STK32B: variants seen among roughly 807,000 people sequenced by gnomAD.
STK32B encodes serine/threonine-protein kinase 32B.
Under a neutral mutation model 52.6 loss-of-function variants are expected in STK32B, and 43 were observed. The observed-to-expected ratio is 0.82, with a 90% confidence interval of 0.64 to 1.05. STK32B has a LOEUF of 1.05. Among genes scored for constraint, STK32B ranks in the 50% least tolerant of loss-of-function variants. STK32B has a pLI of 0.00. For missense variants in STK32B, 621 were observed against 534.6 expected (o/e 1.16, Z -1.59); for synonymous variants, 238 against 204.3 (o/e 1.17, Z -1.41).
chr4:5,295,746 G>T (rs1729154092), intron 3 of STK32B, among the ~76,000 whole-genome samples: 1 of 151,916 alleles, frequency 6.6e-6, no homozygotes, highest in South Asian at 2.1e-4. Flanking sequence ...ATTTTTCGAA[G>T]GATTTTTCAT....
At chr4:5,050,677 A>T (rs112377304), upstream of STK32B, among the ~76,000 whole-genome samples, 3 of 152,188 alleles carry the variant, frequency 2.0e-5, no homozygotes, top group Admixed American at 1.3e-4. Flanking sequence ...GCAGGACTGC[A>T]AGGCAGGGGG....
At chr4:5,420,584 C>A (rs367895091) in intron 6 of STK32B, among the ~76,000 whole-genome samples, 1 of 152,106 alleles carries the variant, frequency 6.6e-6, no homozygotes, top group Admixed American at 6.5e-5. Flanking sequence ...GGATGGAGAA[C>A]CTGCCAGCAC....
chr4:5,391,521 T>G (rs1020747129), intron 4 of STK32B, among the ~76,000 whole-genome samples: 1 of 152,274 alleles, frequency 6.6e-6, no homozygotes, highest in African/African-American at 2.4e-5. Context: ...AGATTGCAAC[T>G]GAGCTGTATC....
intron 6 of STK32B, among the ~76,000 whole-genome samples, chr4:5,444,463 C>T (rs1419985960): frequency 2.6e-5 from 4 of 152,184 alleles, no homozygotes; most frequent in South Asian, 2.1e-4. Context: ...CTTTGGCTCG[C>T]GCACTGTGCG....
intron 6 of STK32B, among the ~76,000 whole-genome samples, chr4:5,433,130 A>C (rs168987): frequency 0.69 from 104,737 of 151,930 alleles, 37,450 homozygotes; most frequent in East Asian, 0.97. Context: ...GAGGGAGCAA[A>C]AATGAGACCA....
intron 3 of STK32B, among the ~76,000 whole-genome samples, chr4:5,190,240 T>A (rs190744165): frequency 5.3e-5 from 8 of 152,312 alleles, no homozygotes; most frequent in African/African-American, 1.4e-4. Context: ...ACCTTGTATA[T>A]GTTGGTGGGT....
chr4:5,415,144 A>T (rs1209410640), intron 5 of STK32B, among the ~76,000 whole-genome samples: 1 of 152,202 alleles, frequency 6.6e-6, no homozygotes, highest in African/African-American at 2.4e-5. Context: ...GCTGGAGAAG[A>T]TGGGTTTTGA....
At chr4:5,216,274 G>A (rs1041299977) in intron 3 of STK32B, among the ~76,000 whole-genome samples, 5 of 152,150 alleles carry the variant, frequency 3.3e-5, no homozygotes, top group African/African-American at 7.2e-5. Context: ...TTTAAGAACT[G>A]CTGTTAAAGA....
chr4:5,464,002 C>T (rs985676977), intron 9 of STK32B, among the ~76,000 whole-genome samples: 6 of 152,184 alleles, frequency 3.9e-5, no homozygotes, highest in African/African-American at 1.2e-4. Flanking sequence ...GGAAGCATGG[C>T]ACCTGCATCA....
intron 3 of STK32B, among the ~76,000 whole-genome samples, chr4:5,330,205 A>G (rs1732138928): frequency 1.3e-5 from 2 of 152,198 alleles, no homozygotes; most frequent in African/African-American, 4.8e-5. Context: ...GATCTAAGAC[A>G]CAGGTCTAAG....
chr4:5,045,902 T>G, the STK32B span, among the ~76,000 whole-genome samples: 1 of 152,202 alleles, frequency 6.6e-6, no homozygotes, highest in Non-Finnish European at 1.5e-5. Context: ...CCTTATGTCT[T>G]TCTCTTGCCT....
intron 11 of STK32B, among the ~76,000 whole-genome samples, chr4:5,483,428 G>A (rs764662819): frequency 3.3e-5 from 5 of 152,068 alleles, no homozygotes; most frequent in Admixed American, 3.3e-4. Context: ...GGGATCGGTG[G>A]TGATATCCCC....
At chr4:5,473,407 T>G (rs1443556915) in intron 11 of STK32B, among the ~76,000 whole-genome samples, 1 of 152,158 alleles carries the variant, frequency 6.6e-6, no homozygotes, top group Non-Finnish European at 1.5e-5. Flanking sequence ...GAGCTCCCTT[T>G]TATTGGGTGT....
intron 1 of STK32B, among the ~76,000 whole-genome samples, chr4:5,062,661 A>G (rs1183517333): frequency 6.6e-6 from 1 of 152,042 alleles, no homozygotes; most frequent in Non-Finnish European, 1.5e-5. Context: ...GGCACCTGCC[A>G]CCATGCCCCG....
chr4:5,059,229 T>C (rs1300287716), intron 1 of STK32B, among the ~76,000 whole-genome samples: 2 of 152,068 alleles, frequency 1.3e-5, no homozygotes, highest in South Asian at 4.2e-4. Flanking sequence ...GATTTGGGGC[T>C]GCTCATTACC....
chr4:5,056,375 C>CA (rs1742008005), intron 1 of STK32B, among the ~76,000 whole-genome samples: 1 of 152,184 alleles, frequency 6.6e-6, no homozygotes, highest in South Asian at 2.1e-4. Context: ...AGGAGTTTTG[C>CA]ATAGTTTATT....
At chr4:5,364,613 C>T (rs115098479) in intron 4 of STK32B, among the ~76,000 whole-genome samples, 1,788 of 152,286 alleles carry the variant, frequency 0.012, 19 homozygotes, top group Middle Eastern at 0.051. Flanking sequence ...ACGTGACTAT[C>T]CCTGAATGAG....
chr4:5,418,719 CCT>C (rs1378580024), intron 6 of STK32B, among the ~76,000 whole-genome samples: 1 of 152,208 alleles, frequency 6.6e-6, no homozygotes, highest in Non-Finnish European at 1.5e-5. Flanking sequence ...GTGAAAATGC[CCT>C]GTTCCCAGTT....
At position 5,364,720 on chromosome 4, in the gene STK32B, G is replaced by C. The variant is rs1161967683; in HGVS notation, c.434+33327G>C. Among the ~76,000 whole-genome samples, 3 of 152,082 alleles carry C rather than the reference G, an allele frequency of 2.0e-5. No homozygotes were observed. The East Asian group carries it at 5.8e-4, about 29-fold the overall frequency. ...AGAGGGATCCCCAAAGGAGCTAGAA[G>C]AAGAGAGCAGGAAATCATGCTAAGC... is the stretch of plus-strand genomic sequence containing the variant. On this transcript the variant is annotated intron_variant, in intron 4 of 11. Transcript: ENST00000282908.
Sources: allele counts gnomAD v4.1 joint callset (sites outside exome capture counted in the v4.1 genomes callset), GRCh38; gene constraint gnomAD v4.1.1; transcripts MANE v1.5; gene names NCBI Gene and HGNC (gene_info 2026-07-23, HGNC 2026-07-21).